The following MCTP1 variants were observed in gnomAD, a reference collection of about 807,000 sequenced individuals.
MCTP1 encodes multiple C2 and transmembrane domain-containing protein 1.
A neutral mutation model predicts 120.6 loss-of-function variants in MCTP1; 69 were observed. The observed-to-expected ratio is 0.57, with a 90% CI of 0.47 to 0.70. The LOEUF (loss-of-function observed/expected upper bound fraction) is 0.70. Among genes scored for constraint, MCTP1 ranks in the 30% least tolerant of loss-of-function variants. The probability of loss-of-function intolerance (pLI) is 0.00; values close to 1 mark genes in which losing one functional copy is unlikely to be tolerated. For missense variants in MCTP1, 1,203 were observed against 1,248.8 expected, an observed-to-expected ratio of 0.96 and a Z score of 0.55; for synonymous variants, 529 against 493.1, an observed-to-expected ratio of 1.07 and a Z score of -0.96.
At chr5:95,058,942 C>G (rs1748176235) in intron 1 of MCTP1, among the ~76,000 whole-genome samples, 1 of 152,120 alleles carries the variant, frequency 6.6e-6, no homozygotes, top group African/African-American at 2.4e-5. Flanking sequence ...TGTCCAGGAC[C>G]ACCCTTTTCA....
At chr5:94,763,732 A>G (rs897929845) in intron 19 of MCTP1, among the ~76,000 whole-genome samples, 1 of 152,216 alleles carries the variant, frequency 6.6e-6, no homozygotes, top group Non-Finnish European at 1.5e-5. Flanking sequence ...TTCAATGAGA[A>G]AGACATAATA....
At chr5:95,076,445 GA>G (rs1753587091) in intron 1 of MCTP1, among the ~76,000 whole-genome samples, 1 of 60,970 alleles carries the variant, frequency 1.6e-5, no homozygotes, top group Non-Finnish European at 4.4e-5. Flanking sequence ...CCATTAAGCT[GA>G]AAAAGGAAAA....
chr5:95,172,293 C>T (rs919084581), intron 1 of MCTP1, among the ~76,000 whole-genome samples: 2 of 152,134 alleles, frequency 1.3e-5, no homozygotes, highest in Non-Finnish European at 2.9e-5. Context: ...GGTACCTGGC[C>T]GTGTGAGGTG....
chr5:95,244,882 TC>T (rs1392133123), intron 1 of MCTP1, among the ~76,000 whole-genome samples: 2 of 152,082 alleles, frequency 1.3e-5, no homozygotes, highest in East Asian at 1.9e-4. Context: ...TCAGACTGCC[TC>T]CTCAAGTGTC....
rs542234185 is a variant in MCTP1, at chr5:94,982,867, G to A, written c.839-29506C>T. The stretch of plus-strand genomic sequence containing the variant: ...TCGTGCCACTGTACTCTACCTGGGG[G>A]ACAGAGCACACTTCATCAAAAAAAA... On this transcript the variant is annotated intron_variant, in intron 2 of 22. Coordinates refer to ENST00000515393, the MANE Select transcript of MCTP1 (RefSeq NM_024717.7). Among the ~76,000 whole-genome samples the A allele has an allele frequency of 1.7e-4, 14 of 82,700 alleles. No individual in the cohort carries two copies. The South Asian group carries it at 3.4e-3, about 20-fold the overall frequency. 54.3% of individuals were successfully genotyped at this position (82,700 alleles called of 152,430 possible). A position where few individuals can be genotyped will look rare whatever the true frequency, so the allele number is the denominator to read the frequency against.
chr5:94,998,953 G>A (rs538621878), intron 2 of MCTP1, among the ~76,000 whole-genome samples: 86 of 152,234 alleles, frequency 5.6e-4, no homozygotes, highest in African/African-American at 2.0e-3. Context: ...TTTGCTTTCC[G>A]TTTCCCTGGA....
rs895866331 is a variant in MCTP1 at position 94,955,458 on chromosome 5, G to A, written c.839-2097C>T. Reference sequence around the variant, plus strand: ...GTAAGGGGGCTAAAGCCAGGTTGCCGAGTGGTCTTGCTCAGTGGATCCTAC... The same window carrying A: ...GTAAGGGGGCTAAAGCCAGGTTGCCAAGTGGTCTTGCTCAGTGGATCCTAC... On this transcript the variant is annotated intron_variant, in intron 2 of 22. Transcript: ENST00000515393. Among the ~76,000 whole-genome samples the A allele has an allele frequency of 2.0e-5, 3 of 152,268 alleles. No homozygotes were observed. In the East Asian group the frequency reaches 5.8e-4, roughly 29 times the overall value.
intron 2 of MCTP1, among the ~76,000 whole-genome samples, chr5:94,957,659 A>C (rs886590364): frequency 1.3e-5 from 2 of 152,114 alleles, no homozygotes; most frequent in African/African-American, 4.8e-5. Flanking sequence ...GAAGATTAAA[A>C]AAAAAGAGAA....
chr5:94,962,148 A>T (rs1045695504), intron 2 of MCTP1, among the ~76,000 whole-genome samples: 2 of 152,050 alleles, frequency 1.3e-5, no homozygotes, highest in African/African-American at 4.8e-5. Context: ...AAAGAAATAG[A>T]TGTTGGTGTG....
intron 17 of MCTP1, among the ~76,000 whole-genome samples, chr5:94,858,310 C>A (rs1368411980): frequency 2.0e-5 from 3 of 151,612 alleles, no homozygotes; most frequent in Non-Finnish European, 4.4e-5. Flanking sequence ...GATTACCATA[C>A]ACACATCTCT....
At chr5:94,969,700 C>T (rs527282375) in intron 2 of MCTP1, among the ~76,000 whole-genome samples, 9 of 152,196 alleles carry the variant, frequency 5.9e-5, no homozygotes, top group Non-Finnish European at 8.8e-5. Flanking sequence ...AACTGATCTT[C>T]CTACAAATAT....
chr5:94,796,096 C>G (rs968535882), intron 18 of MCTP1, among the ~76,000 whole-genome samples: 10 of 152,208 alleles, frequency 6.6e-5, no homozygotes, highest in African/African-American at 2.4e-4. Flanking sequence ...TTTTACCCAT[C>G]TATGCATTTT....
intron 17 of MCTP1, chr5:94,867,099 T>C: frequency 1.5e-6 from 1 of 660,870 alleles, no homozygotes; most frequent in Non-Finnish European, 2.2e-6. Flanking sequence ...TTCTCATCAA[T>C]GTAAAAGTAC....
At chr5:94,852,094 T>C (rs893647730) in intron 17 of MCTP1, among the ~76,000 whole-genome samples, 14 of 151,920 alleles carry the variant, frequency 9.2e-5, no homozygotes, top group Admixed American at 2.6e-4. Context: ...AAAAGTACAA[T>C]ATAATTTGTA....
At chr5:95,170,119 C>T (rs1201466693) in intron 1 of MCTP1, among the ~76,000 whole-genome samples, 1 of 152,158 alleles carries the variant, frequency 6.6e-6, no homozygotes, top group Non-Finnish European at 1.5e-5. Flanking sequence ...TGTCTTTGTT[C>T]TCATTGGTTT....
chr5:95,108,249 C>T (rs927742668), intron 1 of MCTP1, among the ~76,000 whole-genome samples: 8 of 152,160 alleles, frequency 5.3e-5, no homozygotes, highest in South Asian at 2.1e-4. Flanking sequence ...GTCAATCTCC[C>T]TTCAAGTGCT....
intron 1 of MCTP1, among the ~76,000 whole-genome samples, chr5:95,240,976 C>T (rs981117335): frequency 2.0e-5 from 3 of 151,848 alleles, no homozygotes; most frequent in African/African-American, 7.3e-5. Flanking sequence ...AGAAAATATC[C>T]TAGTAGGATA....
chr5:94,806,333 T>G (rs985226844), intron 17 of MCTP1, among the ~76,000 whole-genome samples: 3 of 152,184 alleles, frequency 2.0e-5, no homozygotes, highest in Admixed American at 6.5e-5. Flanking sequence ...AACAAAAATC[T>G]GTTCTGCTGA....
At position 95,275,417 on chromosome 5, in the gene MCTP1, C is replaced by T. The variant is rs572392008; in HGVS notation, c.720+8439G>A. 5.3e-5 allele frequency among the ~76,000 whole-genome samples: 8 copies of T among 152,292 alleles called. No individual in the cohort carries two copies. In the South Asian group the frequency reaches 1.7e-3, roughly 32 times the overall value. ...TCCAGAGGGCAGGGGCTCCCTGGTC[C>T]ACCATGGCCCCACCAAACCCTCTTG... is the stretch of plus-strand genomic sequence containing the variant. On this transcript the variant is annotated intron_variant, in intron 1 of 22. Transcript: ENST00000515393.
Sources: gnomAD v4.1 joint callset for allele counts (sites outside exome capture counted in the v4.1 genomes callset) on GRCh38, gnomAD v4.1.1 for gene constraint, MANE v1.5 for transcripts, NCBI Gene and HGNC (gene_info 2026-07-23, HGNC 2026-07-21) for gene names.